The following OXR1 variants were observed in gnomAD, a reference collection of about 807,000 sequenced individuals.
OXR1 encodes the protein oxidation resistance protein 1.
In OXR1, 41 loss-of-function variants were observed where a neutral mutation model predicts 104.6. The observed-to-expected ratio is 0.39, with a 90% confidence interval of 0.31 to 0.51. OXR1 has a LOEUF of 0.51. OXR1 is among the 20% of genes least tolerant of loss of function. OXR1 has a pLI of 0.77. For synonymous variants in OXR1, 348 were observed against 348.4 expected (o/e 1.00, Z 0.01); for missense variants, 955 against 1,031.9 (o/e 0.93, Z 1.02).
intron 1 of OXR1, among the ~76,000 whole-genome samples, chr8:106,312,025 T>G (rs934110013): frequency 6.6e-6 from 1 of 151,974 alleles, no homozygotes; most frequent in African/African-American, 2.4e-5. Context: ...CCACAGACCT[T>G]TTTTTCACTT....
chr8:106,572,349 C>G (rs1021267855), intron 3 of OXR1, among the ~76,000 whole-genome samples: 3 of 152,188 alleles, frequency 2.0e-5, no homozygotes, highest in African/African-American at 7.2e-5. Flanking sequence ...ATTGTTTTCA[C>G]CATCTCTTTA....
At position 106,710,801 on chromosome 8, in the gene OXR1, C is replaced by G; in HGVS notation, c.1793+11C>G. 1 of 1,460,210 alleles carries G rather than the reference C, an allele frequency of 6.8e-7. No individual in the cohort carries two copies. The highest frequency in any genetic ancestry group is 9.1e-7 in the Non-Finnish European group (1 of 1,096,116). 90.5% of individuals were successfully genotyped at this position (1,460,210 alleles called of 1,614,324 possible). A position where few individuals can be genotyped will look rare whatever the true frequency, so the allele number is the denominator to read the frequency against. ...TGTGCCACAAGAAAGGTAAAAAACCCATACGACACCTTGAGAGCATTATTG... is the reference window on the plus strand; with the variant it reads ...TGTGCCACAAGAAAGGTAAAAAACCGATACGACACCTTGAGAGCATTATTG... On this transcript the variant is annotated intron_variant, in intron 10 of 16. Transcript: ENST00000517566.
chr8:106,454,949 G>C (rs890018528), intron 2 of OXR1, among the ~76,000 whole-genome samples: 4 of 152,136 alleles, frequency 2.6e-5, no homozygotes, highest in Non-Finnish European at 5.9e-5. Context: ...GAATACTTCT[G>C]ACAATTTTTA....
chr8:106,272,708 T>C (rs965316598), intron 1 of OXR1: 3 of 152,194 alleles, frequency 2.0e-5, no homozygotes, highest in Non-Finnish European at 4.4e-5. Context: ...ATATACCCTT[T>C]GAAATATGTT....
intron 1 of OXR1, among the ~76,000 whole-genome samples, chr8:106,316,716 TCATC>T (rs1264287949): frequency 1.6e-5 from 1 of 60,944 alleles, no homozygotes; most frequent in Non-Finnish European, 2.9e-5. Flanking sequence ...TATCTATCTA[TCATC>T]TATCTATCTA....
Position 106,384,515 on chromosome 8 carries a change from A to C in OXR1, c.23+24879A>C, listed in dbSNP as rs528688632. ...ATAGCTTCATCGAGTATAAGGATAC[A>C]GAACTAGTCATTGGCTAAATTTGGC... On this transcript the variant is annotated intron_variant, in intron 2 of 16. Coordinates refer to ENST00000517566, the MANE Select transcript of OXR1 (RefSeq NM_001198533.2). Among the ~76,000 whole-genome samples, 88 of 152,300 alleles carry C rather than the reference A, an allele frequency of 5.8e-4. No individual in the cohort carries two copies. In the South Asian group the frequency reaches 0.017, roughly 30 times the overall value.
intron 1 of OXR1, among the ~76,000 whole-genome samples, chr8:106,322,679 CA>C (rs1291269988): frequency 2.0e-5 from 3 of 152,214 alleles, no homozygotes; most frequent in African/African-American, 7.2e-5. Context: ...TAAACAACTT[CA>C]GCAAAGTTGC....
intron 2 of OXR1, among the ~76,000 whole-genome samples, chr8:106,382,778 A>G (rs1433097930): frequency 6.7e-6 from 1 of 148,948 alleles, no homozygotes; most frequent in African/African-American, 2.5e-5. Context: ...CTGTAATATA[A>G]TTCCAATAAA....
chr8:106,517,288 A>G (rs1186656962), intron 2 of OXR1, among the ~76,000 whole-genome samples: 1 of 152,164 alleles, frequency 6.6e-6, no homozygotes, highest in Non-Finnish European at 1.5e-5. Flanking sequence ...ATCATAGGGC[A>G]TGCCCTCTTT....
intron 1 of OXR1, among the ~76,000 whole-genome samples, chr8:106,323,137 A>G (rs1425029365): frequency 3.3e-5 from 5 of 152,238 alleles, no homozygotes; most frequent in Non-Finnish European, 7.3e-5. Context: ...ACTTCAGACT[A>G]TACTACAAGG....
At chr8:106,609,240 A>G (rs1820631526) in intron 3 of OXR1, among the ~76,000 whole-genome samples, 1 of 152,122 alleles carries the variant, frequency 6.6e-6, no homozygotes, top group Non-Finnish European at 1.5e-5. Context: ...GCCCATCTCA[A>G]AAAAGTAATA....
intron 3 of OXR1, among the ~76,000 whole-genome samples, chr8:106,577,336 G>A (rs1422355804): frequency 1.4e-5 from 2 of 144,024 alleles, no homozygotes; most frequent in Non-Finnish European, 3.0e-5. Flanking sequence ...TCAGCCTCCC[G>A]AGTAGCTGGG....
intron 2 of OXR1, among the ~76,000 whole-genome samples, chr8:106,365,442 AAGAAT>A (rs1816430572): frequency 6.6e-6 from 1 of 152,052 alleles, no homozygotes; most frequent in South Asian, 2.1e-4. Flanking sequence ...AAAAAAAAAA[AAGAAT>A]AGAATAGCCA....
At chr8:106,372,838 T>C (rs1272562591) in intron 2 of OXR1, among the ~76,000 whole-genome samples, 1 of 152,244 alleles carries the variant, frequency 6.6e-6, no homozygotes, top group Non-Finnish European at 1.5e-5. Flanking sequence ...ACTCAATCTG[T>C]ATAAAAGAGA....
At chr8:106,390,262 C>G (rs1055483184) in intron 2 of OXR1, among the ~76,000 whole-genome samples, 5 of 152,064 alleles carry the variant, frequency 3.3e-5, no homozygotes, top group African/African-American at 1.2e-4. Flanking sequence ...ATTTGAATGT[C>G]TGCTTTGTGC....
intron 3 of OXR1, among the ~76,000 whole-genome samples, chr8:106,527,695 TAC>T (rs1813794782): frequency 6.6e-6 from 1 of 152,254 alleles, no homozygotes; most frequent in Non-Finnish European, 1.5e-5. Context: ...CATTTTAATA[TAC>T]AGATTGTCAG....
In OXR1 at chr8:106,381,248, G is replaced by A. The variant is rs560539859; in HGVS notation, c.23+21612G>A. On this transcript the variant is annotated intron_variant, in intron 2 of 16. Coordinates refer to ENST00000517566, the MANE Select transcript of OXR1 (RefSeq NM_001198533.2). ...TTTCTCAGGAATGATGGAACAATAA[G>A]CAAAATGCACTCATCTTATACGTGT... is the stretch of plus-strand genomic sequence containing the variant. Among the ~76,000 whole-genome samples the A allele has an allele frequency of 1.7e-4, 26 of 152,234 alleles. No homozygotes were observed. The South Asian group carries it at 5.4e-3, about 32-fold the overall frequency.
chr8:106,627,457 T>C (rs1023212971), intron 3 of OXR1, among the ~76,000 whole-genome samples: 2 of 152,144 alleles, frequency 1.3e-5, no homozygotes. Context: ...AGCCATCTGA[T>C]GGTTAAAAAG....
In OXR1 at chr8:106,710,768, T is replaced by C; in HGVS notation, c.1771T>C (p.Trp591Arg). 6.6e-6 allele frequency: 10 copies of C among 1,523,624 alleles called. No individual in the cohort carries two copies. The highest frequency in any genetic ancestry group is 1.3e-5 in the South Asian group (1 of 76,178). 94.4% of individuals were successfully genotyped at this position (1,523,624 alleles called of 1,614,324 possible). A position where few individuals can be genotyped will look rare whatever the true frequency, so the allele number is the denominator to read the frequency against. ...YAQRDKKHEY[W>R]FAVPQERTDH... ...ACAGAGAGATAAGAAACATGAATAT[T>C]GGTTTGCTGTGCCACAAGAAAGGTA... The change falls in exon 10 of 17, where the codon TGG becomes CGG. Residue 591 changes from tryptophan to arginine, a missense_variant. Physicochemically the swap from Trp to Arg is moderately radical, Grantham distance 101. Coordinates refer to ENST00000517566, the MANE Select transcript of OXR1 (RefSeq NM_001198533.2).
Sources: allele counts gnomAD v4.1 joint callset (sites outside exome capture counted in the v4.1 genomes callset), GRCh38; gene constraint gnomAD v4.1.1; transcripts MANE v1.5; gene names NCBI Gene and HGNC (gene_info 2026-07-23, HGNC 2026-07-21).